Variants in BRSK2 observed in about 807,000 individuals in gnomAD.
BRSK2 encodes serine/threonine-protein kinase BRSK2.
In BRSK2, 19 loss-of-function variants were observed where a neutral mutation model predicts 83.3. The observed-to-expected ratio is 0.23, with a 90% confidence interval of 0.16 to 0.33. BRSK2 has a LOEUF of 0.33. BRSK2 is among the 10% of genes least tolerant of loss of function. BRSK2 has a pLI of 1.00. For missense variants in BRSK2, 798 were observed against 1,042.3 expected (o/e 0.77, Z 3.23); for synonymous variants, 519 against 435.4 (o/e 1.19, Z -2.39).
At chr11:1,411,727 C>T in intron 1 of BRSK2, 8 of 1,490,974 alleles carry the variant, frequency 5.4e-6, no homozygotes, top group East Asian at 2.5e-5. Flanking sequence ...GACGGGGGAC[C>T]TCGCCAGCAC....
chr11:1,396,560 GCTGTGCCT>G (rs1219168883), intron 1 of BRSK2, among the ~76,000 whole-genome samples: 1 of 152,250 alleles, frequency 6.6e-6, no homozygotes, highest in Non-Finnish European at 1.5e-5. Context: ...GCCTGAGTGG[GCTGTGCCT>G]CCCCGTCGGC....
At chr11:1,443,076 C>T (rs1442817863) in intron 5 of BRSK2, 30 bp from the exon 6 acceptor site, 1 of 1,528,430 alleles carries the variant, frequency 6.5e-7, no homozygotes, top group Admixed American at 2.0e-5. Context: ...CGCCCGGAGC[C>T]CCGCCGCTGA....
chr11:1,458,730 C>G (rs901325584), intron 18 of BRSK2, among the ~76,000 whole-genome samples: 1 of 152,220 alleles, frequency 6.6e-6, no homozygotes, highest in African/African-American at 2.4e-5. Context: ...CCAACATCCC[C>G]AGGCCCAGCA....
intron 1 of BRSK2, among the ~76,000 whole-genome samples, chr11:1,425,346 A>T (rs1269036568): frequency 2.6e-5 from 4 of 152,136 alleles, no homozygotes; most frequent in Non-Finnish European, 4.4e-5. Context: ...GGTCCTCAGC[A>T]CGTGGACGCC....
chr11:1,444,835 CTTCCCCCCACT>C (rs1851797114), intron 8 of BRSK2, 125 bp from the exon 9 acceptor site: 6 of 773,602 alleles, frequency 7.8e-6, no homozygotes, highest in Non-Finnish European at 1.3e-5. Context: ...TCCTCCCCAC[CTTCCCCCCACT>C]CACTTGCCCT....
At position 1,454,365 on chromosome 11, in the gene BRSK2, C is replaced by T. The variant is rs1846213208; in HGVS notation, c.1545-120C>T. Reference sequence around the variant, plus strand: ...TGGGTTCTGGCTAGCACTGTGGAGACAGCCGTTTCTATCACGAAGCGATGG... The same window carrying T: ...TGGGTTCTGGCTAGCACTGTGGAGATAGCCGTTTCTATCACGAAGCGATGG... On this transcript the variant is annotated intron_variant, in intron 15 of 19. Coordinates refer to ENST00000528841, the MANE Select transcript of BRSK2 (RefSeq NM_001256627.2). The surrounding 1 kb of genome is among the most constrained non-coding windows in gnomAD (Gnocchi z 5.2). 1.6e-6 allele frequency: 2 copies of T among 1,231,844 alleles called. No individual in the cohort carries two copies. Among genetic ancestry groups the T allele is most frequent in the Non-Finnish European group, 1.2e-6 (1 of 862,436 alleles). The allele number at this position is 1,231,844 out of a possible 1,614,324, so 76.3% of individuals were successfully genotyped here. A position where few individuals can be genotyped will look rare whatever the true frequency, so the allele number is the denominator to read the frequency against.
intron 12 of BRSK2, among the ~76,000 whole-genome samples, chr11:1,446,878 C>T (rs1258379343): frequency 6.6e-6 from 1 of 152,156 alleles, no homozygotes. Context: ...ACCCCAGGGC[C>T]CCCTCCTTGT....
At chr11:1,405,922 G>A (rs1186210750) in intron 1 of BRSK2, among the ~76,000 whole-genome samples, 2 of 151,804 alleles carry the variant, frequency 1.3e-5, no homozygotes, top group Non-Finnish European at 2.9e-5. Context: ...TTCTGTCCAC[G>A]TCAGACGCTG....
intron 2 of BRSK2, among the ~76,000 whole-genome samples, chr11:1,436,974 G>A (rs1850398205): frequency 6.6e-6 from 1 of 151,892 alleles, no homozygotes; most frequent in Non-Finnish European, 1.5e-5. Flanking sequence ...GACTAAACTG[G>A]GGAGGCCTGG....
intron 19 of BRSK2, among the ~76,000 whole-genome samples, 189 bp from the exon 20 acceptor site, chr11:1,460,311 T>G (rs1847266127): frequency 6.6e-6 from 1 of 151,440 alleles, no homozygotes; most frequent in Admixed American, 6.6e-5. Flanking sequence ...CCCACCCTGC[T>G]TGCCGCCCAC....
chr11:1,443,220 A>AC (rs1851596884), intron 6 of BRSK2, 81 bp downstream of exon 6: 19 of 1,517,286 alleles, frequency 1.3e-5, no homozygotes, highest in Non-Finnish European at 1.7e-5. Context: ...AGCCTGCCGC[A>AC]CCCCCAGGTG....
At chr11:1,410,606 G>T in intron 1 of BRSK2, 1 of 985,434 alleles carries the variant, frequency 1.0e-6, no homozygotes, top group Non-Finnish European at 1.2e-6. Context: ...GGGGCTCCGA[G>T]TGCAGGGCTC....
Position 1,450,612 on chromosome 11 carries a change from G to C in BRSK2, c.1313G>C (p.Gly438Ala). The C allele has an allele frequency of 6.3e-7, 1 of 1,592,046 alleles. No individual in the cohort carries two copies. The highest frequency in any genetic ancestry group is 8.5e-7 in the Non-Finnish European group (1 of 1,172,018). ...GTGACCCCTCACCCCTCACCAAGGG[G>C]CAGTCCCCTCCCCACCCCCAAGGGG... ...PRVTPHPSPRGSPLPTPKGTP... is the reference protein window; with the variant it reads ...PRVTPHPSPRASPLPTPKGTP... Residue 438 changes from glycine to alanine, a missense_variant, in exon 14 of 20, where the codon GGC becomes GCC. Coordinates refer to ENST00000528841, the MANE Select transcript of BRSK2 (RefSeq NM_001256627.2).
At chr11:1,452,790 G>C (rs966789361) in intron 15 of BRSK2, among the ~76,000 whole-genome samples, 33 of 151,960 alleles carry the variant, frequency 2.2e-4, no homozygotes, top group African/African-American at 7.2e-4. Context: ...CTTATTGAGG[G>C]TCCTGCACAG....
intron 18 of BRSK2, among the ~76,000 whole-genome samples, chr11:1,457,495 C>T (rs1427708889): frequency 6.6e-6 from 1 of 152,212 alleles, no homozygotes; most frequent in Non-Finnish European, 1.5e-5. Context: ...AGGGCTCCCC[C>T]CACTCCCCTG....
At chr11:1,451,522 C>T (rs1276993844) in intron 15 of BRSK2, 103 bp downstream of exon 15, 20 of 1,232,162 alleles carry the variant, frequency 1.6e-5, no homozygotes, top group Admixed American at 1.6e-4. Context: ...TCCTTCTCCA[C>T]GTGGCCCCAC....
At position 1,462,362 on chromosome 11, in the gene BRSK2, G is replaced by T. The variant is rs1470711470; in HGVS notation, c.*1639G>T. ...GCCATGGAGTCGTCTGTCTGCTTCG[G>T]TGCCTGCCCCTGCCTCCCACCCACC... On this transcript the variant is annotated 3_prime_UTR_variant, in exon 20 of 20. Transcript: ENST00000528841. The T allele has an allele frequency of 1.3e-5, 2 of 152,262 alleles. No individual in the cohort carries two copies. The highest frequency in any genetic ancestry group is 2.9e-5 in the Non-Finnish European group (2 of 68,066). The allele number at this position is 152,262 out of a possible 1,614,324, so 9.4% of individuals were successfully genotyped here.
At chr11:1,440,392 C>T (rs1224548794) in intron 3 of BRSK2, among the ~76,000 whole-genome samples, 1 of 152,118 alleles carries the variant, frequency 6.6e-6, no homozygotes, top group African/African-American at 2.4e-5. Flanking sequence ...CCACTGAGGA[C>T]CACAGGGTGT....
At chr11:1,412,651 C>G in intron 1 of BRSK2, among the ~76,000 whole-genome samples, 1 of 152,194 alleles carries the variant, frequency 6.6e-6, no homozygotes, top group South Asian at 2.1e-4. Context: ...GGGAGGGGCC[C>G]AGCAGAGCTG....
Sources: gnomAD v4.1 joint callset for allele counts (sites outside exome capture counted in the v4.1 genomes callset) on GRCh38, gnomAD v4.1.1 for gene constraint, Gnocchi (gnomAD v3.1) non-coding constraint, MANE v1.5 for transcripts, NCBI Gene and HGNC (gene_info 2026-07-23, HGNC 2026-07-21) for gene names.